Variants in SPTBN1 observed in about 807,000 individuals in gnomAD.
The protein encoded by SPTBN1 is spectrin beta, non-erythrocytic 1.
A neutral mutation model predicts 266.4 loss-of-function variants in SPTBN1; 32 were observed. That is an observed-to-expected ratio of 0.12 (90% CI 0.09 to 0.16). The LOEUF (loss-of-function observed/expected upper bound fraction) is 0.16. Ranked by LOEUF, SPTBN1 falls within the 10% of genes least tolerant of loss-of-function variation. SPTBN1 has a pLI of 1.00. For missense variants in SPTBN1, 2,296 were observed against 3,067.1 expected (o/e 0.75, Z 5.94); for synonymous variants, 1,336 against 1,162.2 (o/e 1.15, Z -3.04).
At chr2:54,597,148 C>CA (rs575911181) in intron 2 of SPTBN1, among the ~76,000 whole-genome samples, 2 of 151,954 alleles carry the variant, frequency 1.3e-5, no homozygotes, top group Admixed American at 6.6e-5. Context: ...TTATAATTCA[C>CA]AAAAAAAATT....
In SPTBN1 at chr2:54,612,193, C is replaced by T. The variant is rs1677265609; in HGVS notation, c.333C>T (p.His111=). 2.5e-6 allele frequency: 4 copies of T among 1,611,154 alleles called. No individual in the cohort carries two copies. The highest frequency in any genetic ancestry group is 1.1e-5 in the South Asian group (1 of 90,830). The part of the protein sequence containing the change: ...PKPTKGRMRI[H]CLENVDKALQ... ...CCACCAAGGGACGAATGCGCATCCA[C>T]TGCTTAGAGAATGTGGACAAGGCCC... Residue 111 remains histidine (H), a synonymous_variant, in exon 4 of 36, where the codon CAC becomes CAT. Coordinates refer to ENST00000356805, the MANE Select transcript of SPTBN1 (RefSeq NM_003128.3).
intron 1 of SPTBN1, among the ~76,000 whole-genome samples, chr2:54,489,289 C>T (rs1375401600): frequency 6.6e-6 from 1 of 151,310 alleles, no homozygotes; most frequent in Non-Finnish European, 1.5e-5. Flanking sequence ...CCACTGTGCT[C>T]CAACCTGGGC....
chr2:54,649,121 G>A lies in SPTBN1; in HGVS notation c.5133G>A (p.Glu1711=). 6.2e-7 allele frequency: 1 copy of A among 1,613,752 alleles called. No homozygotes were observed. The highest frequency in any genetic ancestry group is 8.5e-7 in the Non-Finnish European group (1 of 1,179,718). The part of the protein sequence containing the change: ...FQLNREVDDL[E]QWIAEREVVA... ...TCAACCGGGAGGTGGACGACCTGGA[G>A]CAGTGGATCGCTGAGAGGGAGGTGG... Residue 1711 remains glutamate, a synonymous_variant, in exon 25 of 36, where the codon GAG becomes GAA. Transcript: ENST00000356805. The surrounding 1 kb of genome is among the most constrained non-coding windows in gnomAD (Gnocchi z 6.7).
chr2:54,505,913 A>G (rs1231220289), intron 1 of SPTBN1, among the ~76,000 whole-genome samples: 1 of 151,988 alleles, frequency 6.6e-6, no homozygotes, highest in Non-Finnish European at 1.5e-5. Flanking sequence ...TCTCGAGGTC[A>G]GGAGATCGAG....
At position 54,657,752 on chromosome 2, in the gene SPTBN1, G is replaced by A. The variant is rs1278677360; in HGVS notation, c.6047-98G>A. On this transcript the variant is annotated intron_variant, in intron 29 of 35. Coordinates refer to ENST00000356805, the MANE Select transcript of SPTBN1 (RefSeq NM_003128.3). ...AGTAGACGATAGACTGGTTATGCAG[G>A]TAGCCATCACCAGAGGGCAGCAGTG... 5 of 1,387,114 alleles carry A rather than the reference G, an allele frequency of 3.6e-6. No homozygotes were observed. The African/African-American group carries it at 4.3e-5, about 12-fold the overall frequency. The allele number at this position is 1,387,114 out of a possible 1,614,324, so 85.9% of individuals were successfully genotyped here. A position where few individuals can be genotyped will look rare whatever the true frequency, so the allele number is the denominator to read the frequency against.
At chr2:54,458,519 C>G (rs546341127) in intron 1 of SPTBN1, among the ~76,000 whole-genome samples, 32 of 152,252 alleles carry the variant, frequency 2.1e-4, no homozygotes, top group Non-Finnish European at 4.3e-4. Context: ...GACAGTAACA[C>G]TGCGTTTGTG....
chr2:54,478,793 T>G (rs749384229), intron 1 of SPTBN1, among the ~76,000 whole-genome samples: 12 of 152,216 alleles, frequency 7.9e-5, no homozygotes, highest in Non-Finnish European at 1.8e-4. Context: ...GTTGTCAAAC[T>G]GTTAATAGCA....
chr2:54,484,178 C>A lies in SPTBN1; in HGVS notation c.-48+27660C>A, dbSNP rs140836631. Among the ~76,000 whole-genome samples, 1,173 of 152,204 alleles carry A rather than the reference C, an allele frequency of 7.7e-3. 16 individuals carry two copies. Among genetic ancestry groups the A allele is most frequent in the African/African-American group, 0.027 (1,110 of 41,514 alleles). ...TCCATCCTGGGGGACAGAGTGAGAC[C>A]CTGTCTCAACAACAAAACAAAACCA... On this transcript the variant is annotated intron_variant, in intron 1 of 35. Transcript: ENST00000356805.
intron 1 of SPTBN1, among the ~76,000 whole-genome samples, chr2:54,475,407 T>C (rs1667775045): frequency 6.6e-6 from 1 of 152,120 alleles, no homozygotes; most frequent in South Asian, 2.1e-4. Flanking sequence ...TATCTATGTT[T>C]AGAAACTTTT....
intron 17 of SPTBN1, among the ~76,000 whole-genome samples, chr2:54,633,624 C>T (rs780895603): frequency 3.9e-5 from 6 of 152,222 alleles, no homozygotes; most frequent in Admixed American, 6.5e-5. Flanking sequence ...TCACTAGCCC[C>T]TGTTCCAGTT....
intron 1 of SPTBN1, chr2:54,515,736 AG>A (rs1670077767): frequency 6.6e-6 from 1 of 152,234 alleles, no homozygotes; most frequent in South Asian, 2.0e-4. Flanking sequence ...TTTGTTGCCC[AG>A]GCTGGTCTCG....
chr2:54,576,749 A>T, intron 2 of SPTBN1, among the ~76,000 whole-genome samples: 1 of 152,208 alleles, frequency 6.6e-6, no homozygotes, highest in Non-Finnish European at 1.5e-5. Context: ...AGTGGGTGTC[A>T]AGGTGAGCAG....
At chr2:54,557,748 G>T (rs527583612) in intron 2 of SPTBN1, 1 of 985,316 alleles carries the variant, frequency 1.0e-6, no homozygotes, top group East Asian at 1.1e-4. Flanking sequence ...TCATAGGCCC[G>T]TGTTATTCCA....
At chr2:54,615,260 A>C (rs1034431460) in intron 4 of SPTBN1, among the ~76,000 whole-genome samples, 7 of 152,042 alleles carry the variant, frequency 4.6e-5, no homozygotes, top group African/African-American at 1.7e-4. Flanking sequence ...GAATTCTGGG[A>C]AGTGTTTGTA....
intron 17 of SPTBN1, among the ~76,000 whole-genome samples, chr2:54,635,232 T>G (rs1679039535): frequency 1.3e-5 from 2 of 152,340 alleles, no homozygotes; most frequent in South Asian, 4.1e-4. Flanking sequence ...TTCCCTGTAA[T>G]TGAATCCGTG....
Position 54,634,361 on chromosome 2 carries a change from G to C in SPTBN1, c.3767+1593G>C, listed in dbSNP as rs1678968242. Among the ~76,000 whole-genome samples the C allele has an allele frequency of 2.0e-5, 3 of 152,218 alleles. No homozygotes were observed. The South Asian group carries it at 6.2e-4, about 32-fold the overall frequency. Reference sequence around the variant, plus strand: ...GTGGCTTAACCTTCATTTTGCCCTTGACCAAGAGCCTGGGCTACTGGTGTT... The same window carrying C: ...GTGGCTTAACCTTCATTTTGCCCTTCACCAAGAGCCTGGGCTACTGGTGTT... On this transcript the variant is annotated intron_variant, in intron 17 of 35. Transcript: ENST00000356805.
At chr2:54,622,827 T>C (rs893791068) in intron 9 of SPTBN1, among the ~76,000 whole-genome samples, 2 of 152,214 alleles carry the variant, frequency 1.3e-5, no homozygotes, top group Non-Finnish European at 2.9e-5. Context: ...TCATATGTTG[T>C]ATATTATAAG....
At chr2:54,577,126 C>T (rs1426563930) in intron 2 of SPTBN1, among the ~76,000 whole-genome samples, 1 of 152,024 alleles carries the variant, frequency 6.6e-6, no homozygotes, top group African/African-American at 2.4e-5. Flanking sequence ...TTTTGTTAGC[C>T]AACAGCCAGC....
chr2:54,506,269 G>C (rs1281386999), intron 1 of SPTBN1, among the ~76,000 whole-genome samples: 1 of 152,170 alleles, frequency 6.6e-6, no homozygotes, highest in Non-Finnish European at 1.5e-5. Flanking sequence ...GGAAAGGGCT[G>C]ACCAGGCCAT....
Sources: gnomAD v4.1 joint callset for allele counts (sites outside exome capture counted in the v4.1 genomes callset) on GRCh38, gnomAD v4.1.1 for gene constraint, Gnocchi (gnomAD v3.1) non-coding constraint, MANE v1.5 for transcripts, NCBI Gene and HGNC (gene_info 2026-07-23, HGNC 2026-07-21) for gene names.